GPLD1: variants seen among roughly 807,000 people sequenced by gnomAD.
The protein encoded by GPLD1 is glycosylphosphatidylinositol specific phospholipase D1.
Under a neutral mutation model 112.6 loss-of-function variants are expected in GPLD1, and 84 were observed. The observed-to-expected ratio is 0.75, with a 90% CI of 0.63 to 0.89. The LOEUF (loss-of-function observed/expected upper bound fraction) is 0.89. Ranked by LOEUF, GPLD1 falls within the 40% of genes least tolerant of loss-of-function variation. The probability of loss-of-function intolerance (pLI) is 0.00; values close to 1 mark genes in which losing one functional copy is unlikely to be tolerated. For synonymous variants in GPLD1, 386 were observed against 403.8 expected, an observed-to-expected ratio of 0.96 and a Z score of 0.53; for missense variants, 1,044 against 1,051.5, an observed-to-expected ratio of 0.99 and a Z score of 0.10.
chr6:24,440,416 C>A (rs9467157), intron 20 of GPLD1, among the ~76,000 whole-genome samples: 5 of 151,790 alleles, frequency 3.3e-5, no homozygotes, highest in Non-Finnish European at 1.5e-5. Flanking sequence ...TGAACTCCAG[C>A]CTGGGCAACA....
chr6:24,434,484 C>T (rs1762506566), intron 22 of GPLD1, among the ~76,000 whole-genome samples: 1 of 152,066 alleles, frequency 6.6e-6, no homozygotes, highest in Admixed American at 6.6e-5. Context: ...TAGTGTAATA[C>T]TTAAGGGTAG....
At chr6:24,476,305 A>C (rs199817532) in intron 3 of GPLD1, 27 bp from the exon 4 acceptor site, 1 of 1,206,228 alleles carries the variant, frequency 8.3e-7, no homozygotes, top group African/African-American at 1.5e-5. Context: ...AGGGCTCTAG[A>C]TTCTCTCTTA....
rs1387812791 is a variant in GPLD1, at chr6:24,456,546, C to T, written c.1100G>A (p.Ser367Asn). 6.2e-7 allele frequency: 1 copy of T among 1,610,654 alleles called. No homozygotes were observed. The highest frequency in any genetic ancestry group is 1.3e-5 in the African/African-American group (1 of 74,824). The change falls in exon 13 of 25, where the codon AGC becomes AAC. Residue 367 changes from serine to asparagine, a missense_variant. By Grantham distance (46) the Ser-to-Asn change is conservative. Transcript: ENST00000230036. ...GSQLSQKHVS[S>N]PLASYFLSFP... The stretch of plus-strand genomic sequence containing the variant: ...TGACAAGAAGTAAGATGCTAAGGGG[C>T]TGGAGACGTGCTTTTGTGACAACTG...
At position 24,425,986 on chromosome 6, in the gene GPLD1, T is replaced by C. The variant is rs1762224129; in HGVS notation, c.*3046A>G. ...GTGAGCTAATGGATGGTACATGGAGTAGGGACTGCAGAGACCCTAGTTTTG... is the reference window on the plus strand; with the variant it reads ...GTGAGCTAATGGATGGTACATGGAGCAGGGACTGCAGAGACCCTAGTTTTG... On this transcript the variant is annotated 3_prime_UTR_variant, in exon 25 of 25. Transcript: ENST00000230036. 1 of 152,090 alleles carries C rather than the reference T, an allele frequency of 6.6e-6. No individual in the cohort carries two copies. The highest frequency in any genetic ancestry group is 2.1e-4 in the South Asian group (1 of 4,818). 9.4% of individuals were successfully genotyped at this position (152,090 alleles called of 1,614,324 possible). A position where few individuals can be genotyped will look rare whatever the true frequency, so the allele number is the denominator to read the frequency against.
rs1581775461 is a variant in GPLD1, at chr6:24,472,645, T to C, written c.491-9A>G. ...GCTCAACACATCTCCTCCTAGGGTA[T>C]GAGAAAAATATTGACATTTGGTGGA... is the stretch of plus-strand genomic sequence containing the variant. On this transcript the variant is annotated splice_polypyrimidine_tract_variant and intron_variant, in intron 6 of 24. Transcript: ENST00000230036. The C allele has an allele frequency of 3.2e-6, 5 of 1,539,256 alleles. No individual in the cohort carries two copies. The highest frequency in any genetic ancestry group is 4.5e-5 in the East Asian group (2 of 44,498).
At chr6:24,465,173 G>A (rs1210778431) in intron 10 of GPLD1, among the ~76,000 whole-genome samples, 6 of 142,488 alleles carry the variant, frequency 4.2e-5, no homozygotes, top group African/African-American at 1.6e-4. Context: ...CTCTAGCCTG[G>A]GCAACAGAGC....
intron 10 of GPLD1, among the ~76,000 whole-genome samples, chr6:24,465,855 T>C (rs1763588094): frequency 6.6e-6 from 1 of 152,230 alleles, no homozygotes; most frequent in South Asian, 2.1e-4. Context: ...CATTTTACGT[T>C]GGAGTGTGTG....
At chr6:24,480,007 T>C (rs1452837646) in intron 2 of GPLD1, 48 bp from the exon 3 acceptor site, 2 of 1,192,064 alleles carry the variant, frequency 1.7e-6, no homozygotes, top group African/African-American at 3.0e-5. Flanking sequence ...GTCAACAGCC[T>C]GGGGAGTATA....
chr6:24,483,487 T>C (rs183570409), intron 2 of GPLD1, among the ~76,000 whole-genome samples: 114 of 151,408 alleles, frequency 7.5e-4, no homozygotes, highest in African/African-American at 2.6e-3. Flanking sequence ...GAGACCAGCC[T>C]GGGAAACATG....
chr6:24,453,745 A>C (rs1261346889), intron 14 of GPLD1, among the ~76,000 whole-genome samples: 2 of 151,246 alleles, frequency 1.3e-5, no homozygotes, highest in Non-Finnish European at 2.9e-5. Flanking sequence ...TTATATTATC[A>C]ATTATATTAT....
At chr6:24,491,645 T>C (rs114423117), upstream of GPLD1, among the ~76,000 whole-genome samples, 2,206 of 151,982 alleles carry the variant, frequency 0.015, 30 homozygotes, top group Non-Finnish European at 0.022. Flanking sequence ...GAAGTGAAGG[T>C]TGCAGTGAGC....
In GPLD1 at chr6:24,456,516, G is replaced by A. The variant is rs755522021; in HGVS notation, c.1130C>T (p.Pro377Leu). The A allele has an allele frequency of 5.0e-6, 8 of 1,608,826 alleles. No homozygotes were observed. In the Admixed American group the frequency reaches 1.0e-4, roughly 20 times the overall value. The change falls in exon 13 of 25, where the codon CCT (proline) becomes CTT (leucine). Residue 377 changes from proline to leucine, a missense_variant. Physicochemically the swap from Pro to Leu is moderately conservative, Grantham distance 98. Coordinates refer to ENST00000230036, the MANE Select transcript of GPLD1 (RefSeq NM_001503.4). Reference sequence around the variant, plus strand: ...TACGTACCAGCCAAGCCTCGCATAAGGAAATGACAAGAAGTAAGATGCTAA... The same window carrying A: ...TACGTACCAGCCAAGCCTCGCATAAAGAAATGACAAGAAGTAAGATGCTAA... Reference protein sequence around the residue: ...SPLASYFLSFPYARLGWAMTS... With the variant: ...SPLASYFLSFLYARLGWAMTS...
intron 20 of GPLD1, among the ~76,000 whole-genome samples, chr6:24,445,256 A>AC (rs1288940838): frequency 6.6e-5 from 10 of 152,016 alleles, no homozygotes; most frequent in Non-Finnish European, 4.4e-5. Context: ...CCAACTCCTG[A>AC]CCTCAAGTGA....
In GPLD1 at chr6:24,472,637, C is replaced by A; in HGVS notation, c.491-1G>T. On this transcript the variant is annotated splice_acceptor_variant, in intron 6 of 24. Coordinates refer to ENST00000230036, the MANE Select transcript of GPLD1 (RefSeq NM_001503.4). LOFTEE classifies it high-confidence loss of function. ...TCAAACTGGCTCAACACATCTCCTC[C>A]TAGGGTATGAGAAAAATATTGACAT... 6.4e-7 allele frequency: 1 copy of A among 1,570,642 alleles called. No homozygotes were observed. Among genetic ancestry groups the A allele is most frequent in the Non-Finnish European group, 8.8e-7 (1 of 1,140,730 alleles).
rs1201707643 is a variant in GPLD1 at position 24,460,295 on chromosome 6, A to G, written c.992T>C (p.Val331Ala). The change falls in exon 12 of 25, where the codon GTA becomes GCA. Residue 331 changes from valine to alanine, a missense_variant. Physicochemically the swap from Val to Ala is moderately conservative, Grantham distance 64. Transcript: ENST00000230036. ...AATTCTTACCGGGGTCCAGGAATTT[A>G]CACTAAAGAACACTCCTCTTTCAGT... ...NYTERGVFFS[V>A]NSWTPDSMSF... 1.9e-6 allele frequency: 3 copies of G among 1,613,612 alleles called. No individual in the cohort carries two copies. Among genetic ancestry groups the G allele is most frequent in the Non-Finnish European group, 2.5e-6 (3 of 1,179,658 alleles).
intron 2 of GPLD1, among the ~76,000 whole-genome samples, chr6:24,484,754 A>C (rs1245296343): frequency 2.0e-5 from 3 of 152,202 alleles, no homozygotes; most frequent in Admixed American, 6.5e-5. Context: ...GATGACTATC[A>C]GATATAAATG....
intron 7 of GPLD1, among the ~76,000 whole-genome samples, chr6:24,470,546 T>C (rs577440261): frequency 6.6e-6 from 1 of 152,344 alleles, no homozygotes; most frequent in East Asian, 1.9e-4. Flanking sequence ...TAAATAGTGA[T>C]GTTATCTTAC....
chr6:24,490,557 C>A (rs1289178973), upstream of GPLD1, among the ~76,000 whole-genome samples: 1 of 151,934 alleles, frequency 6.6e-6, no homozygotes, highest in Non-Finnish European at 1.5e-5. Context: ...TTGAGACCAG[C>A]GTGATCAACA....
chr6:24,460,734 T>C (rs551796825), intron 11 of GPLD1, among the ~76,000 whole-genome samples: 2 of 136,320 alleles, frequency 1.5e-5, no homozygotes, highest in African/African-American at 2.8e-5. Flanking sequence ...TTTGCAAGCA[T>C]ACTGATTTTT....
Sources: gnomAD v4.1 joint callset for allele counts (sites outside exome capture counted in the v4.1 genomes callset) on GRCh38, gnomAD v4.1.1 for gene constraint, MANE v1.5 for transcripts, NCBI Gene and HGNC (gene_info 2026-07-23, HGNC 2026-07-21) for gene names.